Variants in CNTNAP2 observed in about 807,000 individuals in gnomAD.
The protein encoded by CNTNAP2 is contactin associated protein 2.
In CNTNAP2, 98 loss-of-function variants were observed where a neutral mutation model predicts 155.2. The observed-to-expected ratio is 0.63, with a 90% CI of 0.54 to 0.75. CNTNAP2 has a LOEUF of 0.75. Among genes scored for constraint, CNTNAP2 ranks in the 30% least tolerant of loss-of-function variants. The pLI, the probability that CNTNAP2 is intolerant of heterozygous loss-of-function variation, is 0.00. For missense variants in CNTNAP2, 1,727 were observed against 1,688.1 expected, an observed-to-expected ratio of 1.02 and a Z score of -0.40; for synonymous variants, 651 against 631.2, an observed-to-expected ratio of 1.03 and a Z score of -0.47.
At chr7:147,882,931 G>T (rs982932312) in intron 13 of CNTNAP2, among the ~76,000 whole-genome samples, 2 of 152,190 alleles carry the variant, frequency 1.3e-5, no homozygotes, top group African/African-American at 2.4e-5. Context: ...TTGTGTGTAT[G>T]TGTGTTTATT....
At chr7:148,361,421 T>C (rs923236955) in intron 21 of CNTNAP2, among the ~76,000 whole-genome samples, 3 of 152,162 alleles carry the variant, frequency 2.0e-5, no homozygotes, top group African/African-American at 7.2e-5. Flanking sequence ...ATTTATCCTC[T>C]CACAGTTCCG....
chr7:148,364,169 G>A (rs1798684868), intron 21 of CNTNAP2, among the ~76,000 whole-genome samples: 1 of 152,212 alleles, frequency 6.6e-6, no homozygotes, highest in Admixed American at 6.5e-5. Context: ...CAGTCCCATC[G>A]ACCACCCAAG....
intron 10 of CNTNAP2, among the ~76,000 whole-genome samples, chr7:147,479,890 T>A (rs1018993): frequency 0.77 from 116,834 of 151,506 alleles, 45,307 homozygotes; most frequent in African/African-American, 0.85. Flanking sequence ...ATAACAACAT[T>A]TTAAATTAGT....
At chr7:146,726,400 T>C (rs1187685171) in intron 1 of CNTNAP2, among the ~76,000 whole-genome samples, 1 of 152,174 alleles carries the variant, frequency 6.6e-6, no homozygotes, top group Non-Finnish European at 1.5e-5. Context: ...CTATTTTTTT[T>C]CTTTTAGCTT....
chr7:146,413,844 T>A (rs571812041), intron 1 of CNTNAP2, among the ~76,000 whole-genome samples: 1 of 152,370 alleles, frequency 6.6e-6, no homozygotes, highest in African/African-American at 2.4e-5. Flanking sequence ...TTTCTTTTTT[T>A]TCTTTTTTAA....
intron 13 of CNTNAP2, among the ~76,000 whole-genome samples, chr7:147,882,501 T>A (rs1375256112): frequency 2.6e-5 from 4 of 152,198 alleles, no homozygotes; most frequent in African/African-American, 9.6e-5. Flanking sequence ...CAGAGTTACT[T>A]TGTGAGCCTC....
chr7:147,282,994 A>G (rs1805079091), intron 8 of CNTNAP2, among the ~76,000 whole-genome samples: 1 of 151,966 alleles, frequency 6.6e-6, no homozygotes, highest in African/African-American at 2.4e-5. Flanking sequence ...AATTTTATGA[A>G]GACATTGTCT....
intron 15 of CNTNAP2, among the ~76,000 whole-genome samples, chr7:147,992,508 A>G (rs542978477): frequency 1.5e-4 from 23 of 152,330 alleles, no homozygotes; most frequent in Admixed American, 1.2e-3. Context: ...CTACTGGCAT[A>G]ACAAATTGCT....
At chr7:147,624,951 G>A (rs1794941449) in intron 12 of CNTNAP2, among the ~76,000 whole-genome samples, 1 of 152,154 alleles carries the variant, frequency 6.6e-6, no homozygotes, top group Non-Finnish European at 1.5e-5. Context: ...ACAGTCATTT[G>A]CAACAACATG....
chr7:147,866,750 G>GTTTTTTTTTTTTT (rs138084282), intron 13 of CNTNAP2, among the ~76,000 whole-genome samples: 1 of 147,934 alleles, frequency 6.8e-6, no homozygotes. Context: ...TGCAACCCCT[G>GTTTTTTTTTTTTT]TTTTTTTTTT....
At chr7:146,246,569 T>C (rs1799660610) in intron 1 of CNTNAP2, among the ~76,000 whole-genome samples, 1 of 150,948 alleles carries the variant, frequency 6.6e-6, no homozygotes, top group African/African-American at 2.5e-5. Flanking sequence ...AGACTTACCC[T>C]CCACTGTGAG....
At chr7:147,176,379 T>A (rs1802338462) in intron 8 of CNTNAP2, among the ~76,000 whole-genome samples, 1 of 152,108 alleles carries the variant, frequency 6.6e-6, no homozygotes, top group Non-Finnish European at 1.5e-5. Flanking sequence ...GACATTGCAA[T>A]TAATTTAATC....
chr7:147,208,899 G>A (rs944101181), intron 8 of CNTNAP2, among the ~76,000 whole-genome samples: 1 of 151,864 alleles, frequency 6.6e-6, no homozygotes, highest in Non-Finnish European at 1.5e-5. Context: ...CCATTATTAA[G>A]AAACTTCATT....
At chr7:147,198,442 G>T (rs1299411564) in intron 8 of CNTNAP2, among the ~76,000 whole-genome samples, 1 of 152,078 alleles carries the variant, frequency 6.6e-6, no homozygotes, top group Non-Finnish European at 1.5e-5. Flanking sequence ...GTTTTGGTCA[G>T]GCTGGTCTTG....
chr7:147,851,344 C>T (rs1798935681), intron 13 of CNTNAP2, among the ~76,000 whole-genome samples: 1 of 152,180 alleles, frequency 6.6e-6, no homozygotes, highest in Admixed American at 6.5e-5. Flanking sequence ...CTAATTCAAC[C>T]ATTGTGGAAG....
intron 1 of CNTNAP2, among the ~76,000 whole-genome samples, chr7:146,601,314 A>G (rs889600298): frequency 2.0e-5 from 3 of 152,080 alleles, no homozygotes; most frequent in Admixed American, 6.6e-5. Context: ...AAATTTGAGG[A>G]ATTTTGACTT....
At chr7:147,379,559 C>A (rs1277053315) in intron 9 of CNTNAP2, among the ~76,000 whole-genome samples, 1 of 151,848 alleles carries the variant, frequency 6.6e-6, no homozygotes, top group Non-Finnish European at 1.5e-5. Context: ...GGGTTATATC[C>A]AATAGTCAGT....
intron 3 of CNTNAP2, among the ~76,000 whole-genome samples, chr7:147,025,552 C>T (rs1352428001): frequency 1.3e-5 from 2 of 149,608 alleles, no homozygotes; most frequent in Admixed American, 6.7e-5. Context: ...AAGAAACCTC[C>T]CATATCATCC....
intron 13 of CNTNAP2, among the ~76,000 whole-genome samples, chr7:147,815,345 A>G (rs1798246997): frequency 6.6e-6 from 1 of 152,206 alleles, no homozygotes; most frequent in Admixed American, 6.5e-5. Context: ...ATCTGCTTCC[A>G]GTCTCATTCA....
Sources: allele counts gnomAD v4.1 joint callset (sites outside exome capture counted in the v4.1 genomes callset), GRCh38; gene constraint gnomAD v4.1.1; transcripts MANE v1.5; gene names NCBI Gene and HGNC (gene_info 2026-07-23, HGNC 2026-07-21).